Variants in GORASP2 observed in about 807,000 individuals in gnomAD.
GORASP2 encodes golgi reassembly stacking protein 2.
Under a neutral mutation model 45.7 loss-of-function variants are expected in GORASP2, and 22 were observed. The observed-to-expected ratio is 0.48, with a 90% CI of 0.34 to 0.69. GORASP2 has a LOEUF of 0.69. Ranked by LOEUF, GORASP2 falls within the 30% of genes least tolerant of loss-of-function variation. The probability of loss-of-function intolerance (pLI) is 0.01; values close to 1 mark genes in which losing one functional copy is unlikely to be tolerated. For missense variants in GORASP2, 491 were observed against 562.7 expected, an observed-to-expected ratio of 0.87 and a Z score of 1.29; for synonymous variants, 221 against 215.6, an observed-to-expected ratio of 1.02 and a Z score of -0.22.
intron 1 of GORASP2, among the ~76,000 whole-genome samples, chr2:170,937,081 G>A (rs1559307805): frequency 6.6e-6 from 1 of 151,974 alleles, no homozygotes; most frequent in Non-Finnish European, 1.5e-5. Context: ...GATGGCGCGT[G>A]CCTGTAATCC....
chr2:170,943,716 A>G (rs1704125375), intron 1 of GORASP2, among the ~76,000 whole-genome samples: 1 of 152,206 alleles, frequency 6.6e-6, no homozygotes, highest in Admixed American at 6.5e-5. Context: ...TCTGTCGCCC[A>G]GGCTGAAGTG....
intron 1 of GORASP2, among the ~76,000 whole-genome samples, chr2:170,941,658 G>T (rs936593461): frequency 6.6e-6 from 1 of 152,148 alleles, no homozygotes; most frequent in African/African-American, 2.4e-5. Flanking sequence ...CTTTTGCTCG[G>T]ATATTGCTTG....
intron 1 of GORASP2, 65 bp from the exon 2 acceptor site, chr2:170,948,285 A>G: frequency 1.1e-6 from 1 of 873,010 alleles, no homozygotes; most frequent in Non-Finnish European, 1.9e-6. Context: ...CTGAAAAGAG[A>G]GATTCGGCTT....
chr2:170,953,808 T>G (rs1443474175), intron 5 of GORASP2: 1 of 152,228 alleles, frequency 6.6e-6, no homozygotes, highest in Non-Finnish European at 1.5e-5. Context: ...TATTTGGCAA[T>G]GTCATCAGCA....
chr2:170,936,522 A>G (rs1575468628), intron 1 of GORASP2: 2 of 595,082 alleles, frequency 3.4e-6, no homozygotes, highest in Non-Finnish European at 5.5e-6. Context: ...ACCTAGTCCT[A>G]AGTAGTTACT....
intron 7 of GORASP2, among the ~76,000 whole-genome samples, chr2:170,960,409 G>C (rs1704530117): frequency 6.6e-6 from 1 of 152,216 alleles, no homozygotes; most frequent in Admixed American, 6.5e-5. Flanking sequence ...AAGCCCACTT[G>C]TGGGCCCTAG....
chr2:170,940,194 A>G (rs1454597287), intron 1 of GORASP2, among the ~76,000 whole-genome samples: 1 of 152,258 alleles, frequency 6.6e-6, no homozygotes, highest in Admixed American at 6.5e-5. Flanking sequence ...AACATGGATA[A>G]GTGTGTCTTT....
At chr2:170,961,570 G>T in intron 7 of GORASP2, 93 bp from the exon 8 acceptor site, 1 of 784,204 alleles carries the variant, frequency 1.3e-6, no homozygotes, top group Non-Finnish European at 2.3e-6. Context: ...CTGACCACGG[G>T]GCAAGGAGGG....
intron 1 of GORASP2, among the ~76,000 whole-genome samples, chr2:170,945,813 GA>G (rs1335485514): frequency 6.6e-6 from 1 of 152,126 alleles, no homozygotes; most frequent in East Asian, 1.9e-4. Flanking sequence ...TGTATTTTAG[GA>G]ACAATCTGTG....
In GORASP2 at chr2:170,929,555, T is replaced by C. The variant is rs923980654; in HGVS notation, c.63+152T>C. On this transcript the variant is annotated intron_variant, in intron 1 of 9. Transcript: ENST00000234160. ...GGGCGCTGCCTTGGTCGAGGCTGGT[T>C]CCGGAGGCCGCTCGCATCCCACCTC... 4 of 646,542 alleles carry C rather than the reference T, an allele frequency of 6.2e-6. No individual in the cohort carries two copies. The South Asian group carries it at 8.8e-5, about 14-fold the overall frequency. The allele number at this position is 646,542 out of a possible 1,614,324, so 40.1% of individuals were successfully genotyped here. A position where few individuals can be genotyped will look rare whatever the true frequency, so the allele number is the denominator to read the frequency against.
upstream of GORASP2, chr2:170,929,090 C>T: frequency 2.6e-6 from 1 of 383,374 alleles, no homozygotes; most frequent in Admixed American, 4.6e-5. Flanking sequence ...CCTCCTCCGG[C>T]CCTCCCTCTC....
Position 170,966,430 on chromosome 2 carries a change from G to A in GORASP2, c.*300G>A. 2.2e-6 allele frequency: 1 copy of A among 454,984 alleles called. No homozygotes were observed. The highest frequency in any genetic ancestry group is 2.3e-5 in the South Asian group (1 of 43,006). 28.2% of individuals were successfully genotyped at this position (454,984 alleles called of 1,614,324 possible). ...GGGGTGTGCATCTTCGGGAAAGGTG[G>A]TGGCGGGGCGTCCACTAGGTTTCCT... On this transcript the variant is annotated 3_prime_UTR_variant, in exon 10 of 10. Transcript: ENST00000234160.
At position 170,966,066 on chromosome 2, in the gene GORASP2, C is replaced by T. The variant is rs3770436; in HGVS notation, c.1295C>T (p.Ser432Phe). The T allele has an allele frequency of 0.038, 61,479 of 1,613,970 alleles. 4,677 individuals are homozygous for T. Among genetic ancestry groups the T allele is most frequent in the East Asian group, 0.33 (14,632 of 44,846 alleles). ...PTTVEDRVGDSTPVSEKPVSA... is the reference protein window; with the variant it reads ...PTTVEDRVGDFTPVSEKPVSA... ...ACCGTTGAGGACAGAGTCGGCGACT[C>T]CACCCCAGTCAGCGAGAAGCCTGTT... Residue 432 changes from serine (S) to phenylalanine (F), a missense_variant, in exon 10 of 10, where the codon TCC (serine) becomes TTC (phenylalanine). Physicochemically the swap from Ser to Phe is radical, Grantham distance 155. Coordinates refer to ENST00000234160, the MANE Select transcript of GORASP2 (RefSeq NM_015530.5).
chr2:170,929,432 T>TGCGGGCTGGAGGCGGGGCCGGCC (rs1703758673), intron 1 of GORASP2, 29 bp downstream of exon 1: 4 of 1,351,024 alleles, frequency 3.0e-6, no homozygotes, highest in Admixed American at 3.4e-5. Context: ...GCCGGGGAGC[T>TGCGGGCTGGAGGCGGGGCCGGCC]GCGGGCTGGA....
intron 1 of GORASP2, chr2:170,929,887 C>T (rs539819752): frequency 1.2e-5 from 5 of 409,162 alleles, no homozygotes; most frequent in South Asian, 8.4e-5. Flanking sequence ...TCGGCGCCGG[C>T]CGAGTGGCCT....
At chr2:170,954,111 GGTT>G (rs1704366715) in intron 5 of GORASP2, 1 of 152,428 alleles carries the variant, frequency 6.6e-6, no homozygotes, top group African/African-American at 2.4e-5. Flanking sequence ...AAGAGATCTG[GGTT>G]GAACATACAT....
At chr2:170,950,360 T>G (rs1704271760) in intron 4 of GORASP2, 70 bp downstream of exon 4, 1 of 727,086 alleles carries the variant, frequency 1.4e-6, no homozygotes, top group Non-Finnish European at 2.3e-6. Flanking sequence ...TTGAGAAAGA[T>G]ATTTGCATGC....
chr2:170,964,453 G>C (rs1457705097), intron 9 of GORASP2, among the ~76,000 whole-genome samples: 1 of 152,162 alleles, frequency 6.6e-6, no homozygotes, highest in Non-Finnish European at 1.5e-5. Context: ...AGAAGTTCGA[G>C]ACCAGCCTGA....
At position 170,937,243 on chromosome 2, in the gene GORASP2, CTG is replaced by C. The variant is rs1431394833; in HGVS notation, c.63+7842_63+7843del. Among the ~76,000 whole-genome samples the C allele has an allele frequency of 3.9e-5, 6 of 152,172 alleles. No homozygotes were observed. In the East Asian group the frequency reaches 1.2e-3, roughly 30 times the overall value. On this transcript the variant is annotated intron_variant, in intron 1 of 9. Coordinates refer to ENST00000234160, the MANE Select transcript of GORASP2 (RefSeq NM_015530.5). ...AAATTTTTAGAGACCCGGTTTTGCT[CTG>C]TTGCCCAGGCTGGAGTGCAGTGTCA... is the stretch of plus-strand genomic sequence containing the variant.
Sources: allele counts gnomAD v4.1 joint callset (sites outside exome capture counted in the v4.1 genomes callset), GRCh38; gene constraint gnomAD v4.1.1; transcripts MANE v1.5; gene names NCBI Gene and HGNC (gene_info 2026-07-23, HGNC 2026-07-21).